Variants in PALD1 observed in about 807,000 individuals in gnomAD.
PALD1 encodes the protein phosphatase domain containing paladin 1, also known as paladin.
In PALD1, 57 loss-of-function variants were observed where a neutral mutation model predicts 96.0. The observed-to-expected ratio is 0.59, with a 90% CI of 0.48 to 0.74. PALD1 has a LOEUF of 0.74. PALD1 is among the 30% of genes least tolerant of loss of function. PALD1 has a pLI of 0.00. For synonymous variants in PALD1, 464 were observed against 473.6 expected (o/e 0.98, Z 0.26); for missense variants, 1,063 against 1,143.7 (o/e 0.93, Z 1.02).
chr10:70,497,620 G>A (rs1156795366), intron 1 of PALD1, among the ~76,000 whole-genome samples: 1 of 150,978 alleles, frequency 6.6e-6, no homozygotes, highest in Non-Finnish European at 1.5e-5. Flanking sequence ...CTGGAGTGCA[G>A]TAGTAGCGCG....
At chr10:70,497,824 C>T (rs1231218872) in intron 1 of PALD1, among the ~76,000 whole-genome samples, 1 of 152,198 alleles carries the variant, frequency 6.6e-6, no homozygotes, top group Non-Finnish European at 1.5e-5. Context: ...ATCTGCCCGC[C>T]TTGGCCTCCC....
chr10:70,544,126 C>T (rs935861877), intron 17 of PALD1, among the ~76,000 whole-genome samples: 1 of 152,174 alleles, frequency 6.6e-6, no homozygotes, highest in Non-Finnish European at 1.5e-5. Context: ...AGGCCCAGAG[C>T]AGACACTGGT....
At chr10:70,525,757 A>G (rs1208139339) in intron 1 of PALD1, among the ~76,000 whole-genome samples, 166 bp from the exon 2 acceptor site, 2 of 152,046 alleles carry the variant, frequency 1.3e-5, no homozygotes, top group African/African-American at 2.4e-5. Context: ...GCACTCAGTG[A>G]GCATGTGATC....
chr10:70,527,950 G>T (rs1157342356), intron 2 of PALD1, among the ~76,000 whole-genome samples: 1 of 150,626 alleles, frequency 6.6e-6, no homozygotes, highest in Non-Finnish European at 1.5e-5. Context: ...CCCACAACAG[G>T]CCCTGGTATG....
chr10:70,528,749 T>A (rs983123343), intron 2 of PALD1, among the ~76,000 whole-genome samples: 1 of 152,208 alleles, frequency 6.6e-6, no homozygotes, highest in Non-Finnish European at 1.5e-5. Context: ...CAGGCTGGGA[T>A]GGCTGCTCCG....
At chr10:70,480,031 T>C (rs1391522407) in intron 1 of PALD1, among the ~76,000 whole-genome samples, 1 of 152,246 alleles carries the variant, frequency 6.6e-6, no homozygotes, top group East Asian at 1.9e-4. Flanking sequence ...GTGAGTAATG[T>C]AGGCTGCGAG....
At chr10:70,485,403 C>CTT (rs1377861628) in intron 1 of PALD1, 17 of 142,758 alleles carry the variant, frequency 1.2e-4, no homozygotes, top group South Asian at 4.4e-4. Flanking sequence ...GAGCAAACTT[C>CTT]TTTTTTTTTT....
intron 18 of PALD1, among the ~76,000 whole-genome samples, chr10:70,557,430 C>T (rs1404039930): frequency 6.6e-6 from 1 of 152,198 alleles, no homozygotes; most frequent in Non-Finnish European, 1.5e-5. Flanking sequence ...TGCTGAACAG[C>T]GTCTGTTGAA....
chr10:70,549,752 G>C (rs1203109816), intron 18 of PALD1, among the ~76,000 whole-genome samples: 2 of 152,262 alleles, frequency 1.3e-5, no homozygotes, highest in African/African-American at 4.8e-5. Flanking sequence ...GAGAGGGAAG[G>C]GTAGTTGGGG....
Position 70,556,278 on chromosome 10 carries a change from A to ACCTCCCTCTCTC in PALD1, c.2263-8082_2263-8081insCCTCTCTCCCTC, listed in dbSNP as rs766158877. Reference sequence around the variant, plus strand: ...AGGGCACATGTTCTCAGTAGCCGAGACCTCTCTCTCTCTCTCTCTCTCTCT... The same window carrying ACCTCCCTCTCTC: ...AGGGCACATGTTCTCAGTAGCCGAGACCTCCCTCTCTCCCTCTCTCTCTCTCTCTCTCTCTCT... On this transcript the variant is annotated intron_variant, in intron 18 of 19. Coordinates refer to ENST00000263563, the MANE Select transcript of PALD1 (RefSeq NM_014431.3). Among the ~76,000 whole-genome samples, 373 of 39,800 alleles carry ACCTCCCTCTCTC rather than the reference A, an allele frequency of 9.4e-3. 2 individuals carry two copies. Among genetic ancestry groups the ACCTCCCTCTCTC allele is most frequent in the African/African-American group, 0.035 (207 of 5,904 alleles). The allele number at this position is 39,800 out of a possible 152,430, so 26.1% of individuals were successfully genotyped here.
At chr10:70,524,567 G>A (rs1431418966) in intron 1 of PALD1, among the ~76,000 whole-genome samples, 2 of 152,142 alleles carry the variant, frequency 1.3e-5, no homozygotes, top group African/African-American at 4.8e-5. Context: ...AATAAAAATC[G>A]TCCATAATCT....
At chr10:70,498,434 A>C (rs2132286589) in intron 1 of PALD1, among the ~76,000 whole-genome samples, 1 of 152,174 alleles carries the variant, frequency 6.6e-6, no homozygotes. Context: ...AGTGTGCGCC[A>C]CACCTGGCTA....
chr10:70,463,364 C>T, the PALD1 span, among the ~76,000 whole-genome samples: 3 of 151,978 alleles, frequency 2.0e-5, no homozygotes, highest in Admixed American at 6.6e-5. Flanking sequence ...CGTGCCACTG[C>T]ACTCCAGCCT....
Position 70,539,365 on chromosome 10 carries a change from G to T in PALD1, c.1725+118G>T. On this transcript the variant is annotated intron_variant, in intron 14 of 19. Coordinates refer to ENST00000263563, the MANE Select transcript of PALD1 (RefSeq NM_014431.3). The surrounding 1 kb of genome is among the most constrained non-coding windows in gnomAD (Gnocchi z 4.5). ...AGATGGAGAATCTGAGGCCCCGGGAGGAGCAGTGTCAGGGAGTGGCCAACT... is the reference window on the plus strand; with the variant it reads ...AGATGGAGAATCTGAGGCCCCGGGATGAGCAGTGTCAGGGAGTGGCCAACT... 1 of 1,186,348 alleles carries T rather than the reference G, an allele frequency of 8.4e-7. No homozygotes were observed. The highest frequency in any genetic ancestry group is 1.5e-5 in the African/African-American group (1 of 65,482). 73.5% of individuals were successfully genotyped at this position (1,186,348 alleles called of 1,614,324 possible). A position where few individuals can be genotyped will look rare whatever the true frequency, so the allele number is the denominator to read the frequency against.
At position 70,534,759 on chromosome 10, in the gene PALD1, C is replaced by G. The variant is rs181711771; in HGVS notation, c.1143C>G (p.Ala381=). The G allele has an allele frequency of 6.2e-7, 1 of 1,610,794 alleles. No homozygotes were observed. The highest frequency in any genetic ancestry group is 1.1e-5 in the South Asian group (1 of 90,290). The change falls in exon 10 of 20, where the codon GCC becomes GCG. Residue 381 remains alanine, a synonymous_variant. Transcript: ENST00000263563. ...ACCAGGTGGACAGAGCCATCACTGC[C>G]TGTGCCGAGTTGCATGACCTGAAAG... ...MVEEVDRAIT[A]CAELHDLKEV...
chr10:70,510,576 G>A (rs936503081), intron 1 of PALD1, among the ~76,000 whole-genome samples: 8 of 152,074 alleles, frequency 5.3e-5, no homozygotes, highest in African/African-American at 1.7e-4. Context: ...TCCGTGAGTT[G>A]ACCAGCTCCT....
intron 18 of PALD1, among the ~76,000 whole-genome samples, chr10:70,560,198 CT>C (rs1263854720): frequency 6.6e-6 from 1 of 152,152 alleles, no homozygotes. Flanking sequence ...CAGGCTTGCA[CT>C]TTGGGAGAGT....
chr10:70,487,905 C>T (rs1315932748), intron 1 of PALD1, among the ~76,000 whole-genome samples: 1 of 152,218 alleles, frequency 6.6e-6, no homozygotes, highest in Non-Finnish European at 1.5e-5. Context: ...GGCCCAGGCC[C>T]ACTCATCTAC....
At chr10:70,507,442 A>T (rs1296860957) in intron 1 of PALD1, among the ~76,000 whole-genome samples, 2 of 152,154 alleles carry the variant, frequency 1.3e-5, no homozygotes, top group African/African-American at 4.8e-5. Context: ...AAAAAATTTT[A>T]GAGACAGGGT....
Sources: allele counts gnomAD v4.1 joint callset (sites outside exome capture counted in the v4.1 genomes callset), GRCh38; gene constraint gnomAD v4.1.1; non-coding constraint Gnocchi (gnomAD v3.1); transcripts MANE v1.5; gene names NCBI Gene and HGNC (gene_info 2026-07-23, HGNC 2026-07-21).